MTA3: variants seen among roughly 807,000 people sequenced by gnomAD.
The protein encoded by MTA3 is metastasis-associated protein MTA3.
Under a neutral mutation model 83.5 loss-of-function variants are expected in MTA3, and 34 were observed. The observed-to-expected ratio is 0.41, with a 90% CI of 0.31 to 0.54. The LOEUF (loss-of-function observed/expected upper bound fraction) is 0.54, where lower values mean the gene tolerates loss of function less well. MTA3 is among the 20% of genes least tolerant of loss of function. The pLI is 0.33. For synonymous variants in MTA3, 303 were observed against 252.7 expected, an observed-to-expected ratio of 1.20 and a Z score of -1.89; for missense variants, 761 against 726.4, an observed-to-expected ratio of 1.05 and a Z score of -0.55.
intron 2 of MTA3, among the ~76,000 whole-genome samples, chr2:42,554,725 G>C (rs898961479): frequency 1.2e-4 from 18 of 152,180 alleles, no homozygotes; most frequent in Admixed American, 2.0e-4. Context: ...TAAATAGAGG[G>C]ACATGCTCCC....
intron 9 of MTA3, among the ~76,000 whole-genome samples, chr2:42,684,651 A>G (rs1254872101): frequency 6.6e-6 from 1 of 152,246 alleles, no homozygotes; most frequent in African/African-American, 2.4e-5. Context: ...TGTGAGGCTC[A>G]ATGAAAATTC....
chr2:42,685,377 C>T (rs4952910), intron 9 of MTA3, among the ~76,000 whole-genome samples: 116,466 of 152,060 alleles, frequency 0.77, 45,211 homozygotes, highest in African/African-American at 0.88. Flanking sequence ...GACATCAGAT[C>T]GGGCCTCCAA....
chr2:42,622,015 G>C (rs2104198370), intron 4 of MTA3, among the ~76,000 whole-genome samples: 1 of 152,340 alleles, frequency 6.6e-6, no homozygotes, highest in East Asian at 1.9e-4. Flanking sequence ...CGGCCGGGCA[G>C]AGGCTGCAGT....
At chr2:42,538,756 A>AGT (rs1240537090) in intron 2 of MTA3, among the ~76,000 whole-genome samples, 1 of 117,476 alleles carries the variant, frequency 8.5e-6, no homozygotes, top group East Asian at 2.4e-4. Context: ...AAAGAAAAAA[A>AGT]TGTTTTTTTT....
At chr2:42,680,938 C>T (rs757931739) in intron 8 of MTA3, among the ~76,000 whole-genome samples, 3 of 151,904 alleles carry the variant, frequency 2.0e-5, no homozygotes, top group Non-Finnish European at 4.4e-5. Context: ...GACGGGGTTT[C>T]ACTGTGTTGG....
intron 16 of MTA3, among the ~76,000 whole-genome samples, chr2:42,743,941 G>A (rs962513673): frequency 3.9e-5 from 6 of 152,030 alleles, no homozygotes; most frequent in Admixed American, 1.3e-4. Flanking sequence ...AAAGACTGCA[G>A]TTTTAAAAAA....
chr2:42,662,129 C>T (rs1689778647), intron 8 of MTA3, among the ~76,000 whole-genome samples: 1 of 152,098 alleles, frequency 6.6e-6, no homozygotes, highest in Admixed American at 6.6e-5. Flanking sequence ...TTCATTTTAA[C>T]TGCTTTCTAT....
At chr2:42,607,493 C>T (rs948748426) in intron 3 of MTA3, among the ~76,000 whole-genome samples, 53 of 152,132 alleles carry the variant, frequency 3.5e-4, no homozygotes, top group African/African-American at 1.1e-3. Context: ...GATCCTCCTA[C>T]ATCAGTCTCT....
At chr2:42,530,045 C>T (rs180826409) in intron 2 of MTA3, among the ~76,000 whole-genome samples, 15 of 151,486 alleles carry the variant, frequency 9.9e-5, no homozygotes, top group Non-Finnish European at 1.8e-4. Flanking sequence ...ATTAGCCGGG[C>T]GTGGTGGTGG....
chr2:42,699,612 T>C (rs150328214), intron 11 of MTA3, among the ~76,000 whole-genome samples: 5 of 152,178 alleles, frequency 3.3e-5, no homozygotes, highest in Non-Finnish European at 5.9e-5. Context: ...TGGCGTGATA[T>C]TTGGAGGTGA....
At chr2:42,630,652 T>C (rs377351496) in intron 4 of MTA3, among the ~76,000 whole-genome samples, 1 of 152,230 alleles carries the variant, frequency 6.6e-6, no homozygotes, top group Non-Finnish European at 1.5e-5. Flanking sequence ...TCCTAACTAA[T>C]GGATTTTTGG....
chr2:42,748,052 G>A (rs1391429351), intron 16 of MTA3, among the ~76,000 whole-genome samples: 3 of 151,712 alleles, frequency 2.0e-5, no homozygotes, highest in Non-Finnish European at 4.4e-5. Context: ...TTTTTTGAAA[G>A]GGAGTCTCCC....
At chr2:42,530,385 G>T (rs1462588795) in intron 2 of MTA3, among the ~76,000 whole-genome samples, 7 of 152,142 alleles carry the variant, frequency 4.6e-5, no homozygotes, top group African/African-American at 1.7e-4. Context: ...TACTTGGGAG[G>T]CTGAGGCTGG....
chr2:42,646,191 T>A (rs1037689685), intron 6 of MTA3, among the ~76,000 whole-genome samples: 1 of 152,210 alleles, frequency 6.6e-6, no homozygotes, highest in African/African-American at 2.4e-5. Flanking sequence ...AAGGATTCCT[T>A]TAAAAATTCT....
intron 1 of MTA3, chr2:42,569,438 TCAAA>T (rs1271045364): frequency 1.3e-5 from 2 of 152,032 alleles, no homozygotes; most frequent in East Asian, 1.9e-4. Context: ...AGAAATAAGG[TCAAA>T]CAAACTTTCT....
At chr2:42,583,215 A>G (rs1679868539) in intron 3 of MTA3, among the ~76,000 whole-genome samples, 1 of 152,140 alleles carries the variant, frequency 6.6e-6, no homozygotes, top group Admixed American at 6.6e-5. Flanking sequence ...TGGGTGGATT[A>G]CTTCTATGTA....
intron 13 of MTA3, among the ~76,000 whole-genome samples, chr2:42,708,517 C>T (rs1558605835): frequency 2.0e-5 from 3 of 152,036 alleles, no homozygotes; most frequent in Non-Finnish European, 2.9e-5. Flanking sequence ...AGATGCCAAA[C>T]GCCTGTGTTT....
rs756478640 is a variant in MTA3 at position 42,697,830 on chromosome 2, A to G, written c.1021A>G (p.Thr341Ala). The G allele has an allele frequency of 6.6e-7, 1 of 1,525,904 alleles. No individual in the cohort carries two copies. Among genetic ancestry groups the G allele is most frequent in the Non-Finnish European group, 8.8e-7 (1 of 1,134,160 alleles). 94.5% of individuals were successfully genotyped at this position (1,525,904 alleles called of 1,614,324 possible). Residue 341 changes from threonine to alanine, a missense_variant, in exon 11 of 17, where the codon ACC becomes GCC. Coordinates refer to ENST00000405094, the MANE Select transcript of MTA3 (RefSeq NM_001330442.2). Reference protein sequence around the residue: ...ESKLKQVYIPTYSKPNPNQIS... With the variant: ...ESKLKQVYIPAYSKPNPNQIS... ...TAAACTGAAACAAGTATATATCCCA[A>G]CCTAGTAAGTAATTGAAATCTTTTA...
chr2:42,560,434 A>G (rs1395869918), intron 2 of MTA3, among the ~76,000 whole-genome samples: 1 of 151,444 alleles, frequency 6.6e-6, no homozygotes, highest in African/African-American at 2.4e-5. Flanking sequence ...TGAGGTCAGG[A>G]GTTCAAGACC....
Sources: allele counts gnomAD v4.1 joint callset (sites outside exome capture counted in the v4.1 genomes callset), GRCh38; gene constraint gnomAD v4.1.1; transcripts MANE v1.5; gene names NCBI Gene and HGNC (gene_info 2026-07-23, HGNC 2026-07-21).